GPM6A: variants seen among roughly 807,000 people sequenced by gnomAD.
GPM6A encodes the protein glycoprotein M6A, also known as neuronal membrane glycoprotein M6-a.
GPM6A carries 7 observed loss-of-function variants against 32.1 expected under a neutral mutation model. The observed-to-expected ratio is 0.22, with a 90% confidence interval of 0.12 to 0.41. The LOEUF (loss-of-function observed/expected upper bound fraction) is 0.41, where lower values mean the gene tolerates loss of function less well. GPM6A is among the 10% of genes least tolerant of loss of function. The probability of loss-of-function intolerance (pLI) is 1.00; values close to 1 mark genes in which losing one functional copy is unlikely to be tolerated. For missense variants in GPM6A, 235 were observed against 347.2 expected, an observed-to-expected ratio of 0.68 and a Z score of 2.57; for synonymous variants, 130 against 123.4, an observed-to-expected ratio of 1.05 and a Z score of -0.35.
chr4:175,828,487 T>C (rs2111362213), intron 1 of GPM6A, among the ~76,000 whole-genome samples: 1 of 152,356 alleles, frequency 6.6e-6, no homozygotes, highest in East Asian at 1.9e-4. Flanking sequence ...AAGACAATTG[T>C]TATTCTTTAC....
At chr4:175,893,598 C>A (rs1287842411) in intron 1 of GPM6A, among the ~76,000 whole-genome samples, 1 of 152,150 alleles carries the variant, frequency 6.6e-6, no homozygotes, top group East Asian at 1.9e-4. Flanking sequence ...GTCCTCCTTT[C>A]TTTCCTCGGC....
chr4:175,991,827 G>A (rs1741153953), intron 1 of GPM6A, among the ~76,000 whole-genome samples: 2 of 151,916 alleles, frequency 1.3e-5, no homozygotes, highest in Non-Finnish European at 2.9e-5. Flanking sequence ...CGGATGTATA[G>A]ACTAGGATTT....
intron 2 of GPM6A, among the ~76,000 whole-genome samples, chr4:175,684,139 T>A (rs539384098): frequency 2.9e-4 from 44 of 152,310 alleles, no homozygotes; most frequent in African/African-American, 9.1e-4. Flanking sequence ...TTACATTTTT[T>A]AATATATATA....
At chr4:175,713,102 T>C (rs1004315098) in intron 1 of GPM6A, among the ~76,000 whole-genome samples, 4 of 152,184 alleles carry the variant, frequency 2.6e-5, no homozygotes, top group African/African-American at 9.7e-5. Flanking sequence ...TATTTCAAAA[T>C]TGGGCTTCTG....
At chr4:175,948,177 T>C (rs931710216) in intron 1 of GPM6A, among the ~76,000 whole-genome samples, 1 of 152,174 alleles carries the variant, frequency 6.6e-6, no homozygotes, top group Non-Finnish European at 1.5e-5. Context: ...TATGATACCC[T>C]CATGTTATAG....
intron 2 of GPM6A, among the ~76,000 whole-genome samples, chr4:175,686,300 G>A (rs1560874620): frequency 6.6e-6 from 1 of 152,152 alleles, no homozygotes; most frequent in South Asian, 2.1e-4. Context: ...TGGCAAAACC[G>A]CAATAACTTT....
intron 1 of GPM6A, among the ~76,000 whole-genome samples, chr4:175,789,599 G>T (rs1048813262): frequency 4.6e-5 from 7 of 152,124 alleles, no homozygotes; most frequent in Admixed American, 3.9e-4. Context: ...AACATGAATT[G>T]TGTCCTAGGA....
intron 1 of GPM6A, among the ~76,000 whole-genome samples, chr4:175,727,109 C>A (rs970046381): frequency 2.6e-5 from 4 of 152,078 alleles, no homozygotes; most frequent in African/African-American, 9.7e-5. Flanking sequence ...GGTCAAATTG[C>A]AGAAATTCTA....
Position 175,716,708 on chromosome 4 carries a change from A to T in GPM6A, c.38-14941T>A, listed in dbSNP as rs189317457. Among the ~76,000 whole-genome samples the T allele has an allele frequency of 2.4e-3, 371 of 152,320 alleles. 1 individual carries two copies. The highest frequency in any genetic ancestry group is 8.6e-3 in the African/African-American group (358 of 41,570). ...GAGACCTTCAGAACTATTAAATTCC[A>T]AACAGGGCAAGCTGAAGACATTGCC... On this transcript the variant is annotated intron_variant, in intron 1 of 6. Coordinates refer to ENST00000393658, the MANE Select transcript of GPM6A (RefSeq NM_201591.3).
At chr4:175,811,249 G>A (rs1165060138) in intron 1 of GPM6A, among the ~76,000 whole-genome samples, 1 of 152,052 alleles carries the variant, frequency 6.6e-6, no homozygotes, top group African/African-American at 2.4e-5. Context: ...TTTGACAGCT[G>A]AATCTTTTTC....
chr4:175,889,974 T>C (rs933462217), intron 1 of GPM6A, among the ~76,000 whole-genome samples: 83 of 152,170 alleles, frequency 5.5e-4, no homozygotes, highest in African/African-American at 1.9e-3. Flanking sequence ...GCAAAACACC[T>C]ACATTCAATG....
At chr4:175,663,121 G>T (rs1224852808) in intron 3 of GPM6A, among the ~76,000 whole-genome samples, 1 of 152,076 alleles carries the variant, frequency 6.6e-6, no homozygotes, top group African/African-American at 2.4e-5. Flanking sequence ...ATGCAAAATG[G>T]TACAGCAGCT....
Position 175,811,347 on chromosome 4 carries a change from AC to A in GPM6A, c.37+843del, listed in dbSNP as rs939245429. ...AAATGAGACCATTTTCTCTGACATT[AC>A]ATAAGCCCGACAGCAGACGAGAGAA... On this transcript the variant is annotated intron_variant, in intron 1 of 6. Coordinates refer to ENST00000393658, the MANE Select transcript of GPM6A (RefSeq NM_201591.3). 1.1e-4 allele frequency among the ~76,000 whole-genome samples: 17 copies of A among 152,160 alleles called. 1 individual carries two copies. The highest frequency in any genetic ancestry group is 7.3e-5 in the Non-Finnish European group (5 of 68,032).
intron 1 of GPM6A, among the ~76,000 whole-genome samples, chr4:175,840,713 T>C (rs1056004869): frequency 1.3e-5 from 2 of 150,420 alleles, no homozygotes; most frequent in East Asian, 2.0e-4. Context: ...CCAAGTGTTA[T>C]AGAGGCAAGG....
chr4:175,951,616 C>A (rs1046986600), intron 1 of GPM6A, among the ~76,000 whole-genome samples: 1 of 152,116 alleles, frequency 6.6e-6, no homozygotes, highest in Non-Finnish European at 1.5e-5. Context: ...AGAATACGCA[C>A]AGTTAATAAG....
intron 1 of GPM6A, among the ~76,000 whole-genome samples, chr4:175,874,457 G>T (rs1737016996): frequency 1.3e-5 from 2 of 152,140 alleles, no homozygotes; most frequent in Admixed American, 1.3e-4. Flanking sequence ...AGAGTTCCCT[G>T]GGGACTTGAG....
intron 1 of GPM6A, among the ~76,000 whole-genome samples, chr4:175,808,037 A>G (rs1734767065): frequency 1.3e-5 from 2 of 152,216 alleles, no homozygotes; most frequent in Admixed American, 1.3e-4. Flanking sequence ...ATCACCAGGC[A>G]GTATAGGTTG....
chr4:175,914,180 T>C (rs1738412899), intron 1 of GPM6A, among the ~76,000 whole-genome samples: 1 of 151,884 alleles, frequency 6.6e-6, no homozygotes, highest in Non-Finnish European at 1.5e-5. Context: ...TAGGGATATG[T>C]AGTGAGGTGA....
chr4:175,787,357 T>C, intron 1 of GPM6A: 5 of 1,534,708 alleles, frequency 3.3e-6, no homozygotes, highest in South Asian at 1.2e-5. Flanking sequence ...GTCATAAAAG[T>C]GTGATGCTGC....
Sources: allele counts gnomAD v4.1 joint callset (sites outside exome capture counted in the v4.1 genomes callset), GRCh38; gene constraint gnomAD v4.1.1; transcripts MANE v1.5; gene names NCBI Gene and HGNC (gene_info 2026-07-23, HGNC 2026-07-21).